The following KCNC4 variants were observed in gnomAD, a reference collection of about 807,000 sequenced individuals.
KCNC4 encodes the protein voltage-gated potassium channel KCNC4.
A neutral mutation model predicts 42.8 loss-of-function variants in KCNC4; 23 were observed. That is an observed-to-expected ratio of 0.54 (90% CI 0.39 to 0.76). KCNC4 has a LOEUF of 0.76. KCNC4 is among the 30% of genes least tolerant of loss of function. The pLI is 0.00. For synonymous variants in KCNC4, 422 were observed against 393.5 expected, an observed-to-expected ratio of 1.07 and a Z score of -0.86; for missense variants, 751 against 898.2, an observed-to-expected ratio of 0.84 and a Z score of 2.10.
chr1:110,226,086 G>A lies in KCNC4; in HGVS notation c.1727G>A (p.Arg576His), dbSNP rs150481020. 1.9e-4 allele frequency: 309 copies of A among 1,613,968 alleles called. No homozygotes were observed. Among genetic ancestry groups the A allele is most frequent in the Middle Eastern group, 3.3e-4 (2 of 6,084 alleles). ...CCCGAGGAGCGCCGGGCCCTGCGAC[G>A]CTCCACCACTCGAGACAGAAACAAG... ...PTPEERRALR[R>H]STTRDRNKKA... The change falls in exon 3 of 4, where the codon CGC (arginine) becomes CAC (histidine). Residue 576 changes from arginine (R) to histidine (H), a missense_variant. By Grantham distance (29) the Arg-to-His change is conservative. Transcript: ENST00000438661.
chr1:110,223,814 C>G lies in KCNC4; in HGVS notation c.1529C>G (p.Ser510Cys). ...AQLESPMYCK[S>C]EETSPRDSTC... ...CTGGAGTCACCCATGTACTGCAAGT[C>G]TGAGGAGACTTCCCCCCGGGACAGC... Residue 510 changes from serine (S) to cysteine (C), a missense_variant, in exon 2 of 4, where the codon TCT becomes TGT. By Grantham distance (112) the Ser-to-Cys change is moderately radical (BLOSUM62 -1). Transcript: ENST00000438661. This position sits in a 1 kb window ranked among gnomAD's most constrained non-coding sequence, Gnocchi z 7.5. 6.2e-7 allele frequency: 1 copy of G among 1,613,846 alleles called. No individual in the cohort carries two copies. The highest frequency in any genetic ancestry group is 1.1e-5 in the South Asian group (1 of 91,072).
chr1:110,239,564 G>C (rs12031847), exon 4 of KCNC4: 1 of 152,028 alleles, frequency 6.6e-6, no homozygotes, highest in Admixed American at 6.5e-5. Flanking sequence ...ATAGGGGCTC[G>C]GTAAATATTT....
Position 110,211,742 on chromosome 1 carries a change from G to GGGTAGCAGC in KCNC4, c.246_254dup (p.Ser86_Gly88dup), listed in dbSNP as rs771678546. ...GGCCCGAGACCGATGGCGGCGGTGT[G>GGGTAGCAGC]GGTAGCAGCGGCAGCAGCGGCGGCG... On this transcript the variant is annotated inframe_insertion, in exon 1 of 4. Coordinates refer to ENST00000438661, the MANE Select transcript of KCNC4 (RefSeq NM_001039574.3). The surrounding 1 kb of genome is among the most constrained non-coding windows in gnomAD (Gnocchi z 6.5). 7.4e-5 allele frequency: 119 copies of GGGTAGCAGC among 1,609,250 alleles called. No individual in the cohort carries two copies. The highest frequency in any genetic ancestry group is 1.1e-5 in the South Asian group (1 of 90,812).
Position 110,223,489 on chromosome 1 carries a change from G to A in KCNC4, c.1204G>A (p.Ala402Thr). 4.3e-6 allele frequency: 7 copies of A among 1,613,902 alleles called. No individual in the cohort carries two copies. The highest frequency in any genetic ancestry group is 5.1e-6 in the Non-Finnish European group (6 of 1,180,040). Residue 402 changes from alanine to threonine, a missense_variant, in exon 2 of 4, where the codon GCT becomes ACT. Ala to Thr is a moderately conservative substitution (Grantham distance 58). Around this residue, in one of 4 missense-constraint regions of KCNC4, gnomAD observed 185 missense variants for 293.7 expected, o/e 0.63. Transcript: ENST00000438661. The surrounding 1 kb of genome is among the most constrained non-coding windows in gnomAD (Gnocchi z 7.5). ...VLIFATMIYY[A>T]ERIGARPSDP... is the part of the protein sequence containing the mutation. The stretch of plus-strand genomic sequence containing the variant: ...CATCTTTGCCACCATGATCTACTAC[G>A]CTGAGCGCATTGGGGCCAGGCCCTC...
At chr1:110,254,295 T>C (rs1659295684) in intron 1 of KCNC4, among the ~76,000 whole-genome samples, 1 of 152,236 alleles carries the variant, frequency 6.6e-6, no homozygotes. Flanking sequence ...CCCTTCTCTC[T>C]GCTCTAAGCC....
chr1:110,265,366 A>G (rs1659519961), intron 1 of KCNC4, among the ~76,000 whole-genome samples: 2 of 47,546 alleles, frequency 4.2e-5, no homozygotes, highest in Non-Finnish European at 7.1e-5. Flanking sequence ...ATAAAATAAA[A>G]TAAAATAAAA....
At chr1:110,257,610 A>T (rs111262815) in intron 1 of KCNC4, among the ~76,000 whole-genome samples, 13,261 of 150,742 alleles carry the variant, frequency 0.088, 931 homozygotes, top group African/African-American at 0.19. Context: ...AGTCCCAGCT[A>T]CTCGGGAGGC....
At chr1:110,216,133 G>A (rs541466485) in intron 1 of KCNC4, among the ~76,000 whole-genome samples, 1 of 152,238 alleles carries the variant, frequency 6.6e-6, no homozygotes, top group Non-Finnish European at 1.5e-5. Context: ...TCTAGGAAAG[G>A]AGCAGAGCTG....
chr1:110,261,272 C>T (rs1659420980), intron 1 of KCNC4, among the ~76,000 whole-genome samples: 3 of 152,068 alleles, frequency 2.0e-5, no homozygotes. Flanking sequence ...GCTTTTTCTA[C>T]CATGAAAAAT....
chr1:110,245,196 AC>A (rs1188589465), exon 4 of KCNC4: 1 of 152,276 alleles, frequency 6.6e-6, no homozygotes, highest in African/African-American at 2.4e-5. Flanking sequence ...GAAGGTCTCA[AC>A]CTAAGTGCTG....
rs140739050 is a variant in KCNC4, at chr1:110,211,230, C to CT, written c.-268dup. 4.5e-3 allele frequency: 2,237 copies of CT among 499,098 alleles called. 39 individuals are homozygous for CT. The highest frequency in any genetic ancestry group is 0.04 in the African/African-American group (2,057 of 51,476). 30.9% of individuals were successfully genotyped at this position (499,098 alleles called of 1,614,324 possible). A position where few individuals can be genotyped will look rare whatever the true frequency, so the allele number is the denominator to read the frequency against. Reference sequence around the variant, plus strand: ...TAGCGGGGGACCGCGTGTGTGCTTGCTTCTACTTCCCCGGGTCCTCCCTCT... The same window carrying CT: ...TAGCGGGGGACCGCGTGTGTGCTTGCTTTCTACTTCCCCGGGTCCTCCCTCT... On this transcript the variant is annotated 5_prime_UTR_variant, in exon 1 of 4. Coordinates refer to ENST00000438661, the MANE Select transcript of KCNC4 (RefSeq NM_001039574.3). The surrounding 1 kb of genome is among the most constrained non-coding windows in gnomAD (Gnocchi z 6.5).
intron 3 of KCNC4, chr1:110,232,209 C>T (rs1372987972): frequency 4.3e-6 from 7 of 1,613,332 alleles, no homozygotes; most frequent in African/African-American, 2.7e-5. Context: ...CTGACCTTCT[C>T]TCCTGAGACA....
chr1:110,238,088 A>G (rs1343655627), downstream of KCNC4: 1 of 152,232 alleles, frequency 6.6e-6, no homozygotes, highest in Admixed American at 6.5e-5. Flanking sequence ...TTAGGGGGTG[A>G]GGAGAGGGAG....
chr1:110,280,165 T>G (rs1201805584), intron 1 of KCNC4, among the ~76,000 whole-genome samples: 1 of 152,040 alleles, frequency 6.6e-6, no homozygotes, highest in Non-Finnish European at 1.5e-5. Context: ...AATAGGTTGG[T>G]TCTCTTTTTA....
At chr1:110,256,572 A>T (rs1659334944) in intron 1 of KCNC4, among the ~76,000 whole-genome samples, 1 of 152,212 alleles carries the variant, frequency 6.6e-6, no homozygotes, top group South Asian at 2.1e-4. Flanking sequence ...AATTACATTT[A>T]GTTGTGATTA....
chr1:110,262,075 AT>A (rs1266163553), intron 1 of KCNC4, among the ~76,000 whole-genome samples: 1 of 152,242 alleles, frequency 6.6e-6, no homozygotes, highest in Non-Finnish European at 1.5e-5. Flanking sequence ...TTAAAAAAGG[AT>A]TGGAAACAAA....
chr1:110,271,399 C>T (rs1461337675), intron 1 of KCNC4, among the ~76,000 whole-genome samples: 1 of 152,128 alleles, frequency 6.6e-6, no homozygotes, highest in Non-Finnish European at 1.5e-5. Context: ...AGTAGTAGAG[C>T]TAAAACTGGA....
chr1:110,282,720 T>A (rs1424927854), intron 2 of KCNC4: 1 of 152,274 alleles, frequency 6.6e-6, no homozygotes, highest in Non-Finnish European at 1.5e-5. Context: ...GACCAGGGGA[T>A]GGCCCTTGCT....
rs748111654 is a variant in KCNC4 at position 110,211,482 on chromosome 1, A to G, written c.-18A>G. ...GAGGGCAGCGGCCGCCCCAAGCCGG[A>G]GCCCCGCAGCGCTTCTTATGATCAG... is the stretch of plus-strand genomic sequence containing the variant. On this transcript the variant is annotated 5_prime_UTR_variant, in exon 1 of 4. Transcript: ENST00000438661. This position sits in a 1 kb window ranked among gnomAD's most constrained non-coding sequence, Gnocchi z 6.5. 7.5e-6 allele frequency: 12 copies of G among 1,600,708 alleles called. No individual in the cohort carries two copies. In the East Asian group the frequency reaches 2.7e-4, roughly 36 times the overall value.
Sources: gnomAD v4.1 joint callset for allele counts (sites outside exome capture counted in the v4.1 genomes callset) on GRCh38, gnomAD v4.1.1 for gene constraint, gnomAD v4.1.1 regional missense constraint, Gnocchi (gnomAD v3.1) non-coding constraint, MANE v1.5 for transcripts, NCBI Gene and HGNC (gene_info 2026-07-23, HGNC 2026-07-21) for gene names.